The following SEMA3C variants were observed in gnomAD, a reference collection of about 807,000 sequenced individuals.
SEMA3C encodes semaphorin-3C.
In SEMA3C, 47 loss-of-function variants were observed where a neutral mutation model predicts 89.4. That is an observed-to-expected ratio of 0.53 (90% CI 0.42 to 0.67). The LOEUF (loss-of-function observed/expected upper bound fraction) is 0.67. Among genes scored for constraint, SEMA3C ranks in the 30% least tolerant of loss-of-function variants. The pLI is 0.00. For missense variants in SEMA3C, 839 were observed against 929.1 expected (o/e 0.90, Z 1.26); for synonymous variants, 310 against 320.2 (o/e 0.97, Z 0.34).
At chr7:80,911,627 T>C (rs1466625989) in intron 2 of SEMA3C, among the ~76,000 whole-genome samples, 9 of 151,822 alleles carry the variant, frequency 5.9e-5, no homozygotes, top group Non-Finnish European at 1.3e-4. Context: ...TTTTTTTTTT[T>C]TTTTGAAAGA....
In SEMA3C at chr7:80,742,840, C is replaced by A. The variant is rs943615020; in HGVS notation, c.*2054G>T. ...AACAGCATTTTTGAAAAAAAATTTT[C>A]TTTTACATTCAGCAGAGTTATGTTC... is the stretch of plus-strand genomic sequence containing the variant. On this transcript the variant is annotated 3_prime_UTR_variant, in exon 18 of 18. Coordinates refer to ENST00000265361, the MANE Select transcript of SEMA3C (RefSeq NM_006379.5). The A allele has an allele frequency of 2.6e-5, 4 of 151,850 alleles. No homozygotes were observed. The highest frequency in any genetic ancestry group is 9.7e-5 in the African/African-American group (4 of 41,382). The allele number at this position is 151,850 out of a possible 1,614,324, so 9.4% of individuals were successfully genotyped here. A position where few individuals can be genotyped will look rare whatever the true frequency, so the allele number is the denominator to read the frequency against.
At chr7:80,801,000 T>TA (rs551019207) in intron 9 of SEMA3C, among the ~76,000 whole-genome samples, 174 bp from the exon 10 acceptor site, 1 of 152,030 alleles carries the variant, frequency 6.6e-6, no homozygotes, top group African/African-American at 2.4e-5. Flanking sequence ...TAAATTAAAT[T>TA]AATACAGATA....
chr7:80,904,283 C>T (rs1791954621), intron 2 of SEMA3C, among the ~76,000 whole-genome samples: 1 of 152,252 alleles, frequency 6.6e-6, no homozygotes, highest in Admixed American at 6.5e-5. Flanking sequence ...TCAAGTGATC[C>T]ACCCACCTCA....
At chr7:80,886,730 A>C (rs1214716927) in intron 2 of SEMA3C, among the ~76,000 whole-genome samples, 2 of 152,180 alleles carry the variant, frequency 1.3e-5, no homozygotes, top group African/African-American at 4.8e-5. Context: ...GGTTAGCAAA[A>C]ATTCAGATAT....
At chr7:80,782,268 C>T (rs1380418201) in intron 12 of SEMA3C, among the ~76,000 whole-genome samples, 2 of 152,158 alleles carry the variant, frequency 1.3e-5, no homozygotes, top group Non-Finnish European at 2.9e-5. Context: ...AAAATTCAGT[C>T]GGTTCCAAGG....
chr7:80,818,239 C>G, intron 5 of SEMA3C, 60 bp downstream of exon 5: 1 of 1,461,102 alleles, frequency 6.8e-7, no homozygotes, highest in Non-Finnish European at 9.3e-7. Context: ...CTCTAAAATA[C>G]AGTTTCAAAA....
intron 2 of SEMA3C, among the ~76,000 whole-genome samples, chr7:80,863,973 A>C (rs932998220): frequency 1.4e-5 from 2 of 144,944 alleles, no homozygotes; most frequent in Non-Finnish European, 3.0e-5. Flanking sequence ...TCACATATAT[A>C]TCACATATAT....
chr7:80,891,096 A>G (rs1791600576), intron 2 of SEMA3C, among the ~76,000 whole-genome samples: 1 of 152,116 alleles, frequency 6.6e-6, no homozygotes, highest in Non-Finnish European at 1.5e-5. Context: ...TGCCCTTAGT[A>G]ATAGAGGACT....
chr7:80,897,884 T>C (rs902560485), intron 2 of SEMA3C, among the ~76,000 whole-genome samples: 2 of 152,184 alleles, frequency 1.3e-5, no homozygotes, highest in Non-Finnish European at 2.9e-5. Context: ...AATAAATACA[T>C]AATAAAGCTA....
chr7:80,913,363 T>C (rs1708391936), intron 2 of SEMA3C, among the ~76,000 whole-genome samples: 1 of 152,076 alleles, frequency 6.6e-6, no homozygotes, highest in South Asian at 2.1e-4. Context: ...ATCTCACCAT[T>C]GCACTCCAGC....
chr7:80,875,969 C>T (rs151086108), intron 2 of SEMA3C, among the ~76,000 whole-genome samples: 331 of 152,112 alleles, frequency 2.2e-3, no homozygotes, highest in African/African-American at 7.4e-3. Flanking sequence ...GCTAGTTTTG[C>T]TGTCACACCT....
intron 2 of SEMA3C, among the ~76,000 whole-genome samples, chr7:80,830,667 C>G (rs998682092): frequency 6.6e-6 from 1 of 152,074 alleles, no homozygotes; most frequent in Non-Finnish European, 1.5e-5. Context: ...TCATTAATAA[C>G]AAGGGCCTGG....
chr7:80,792,489 T>C (rs1435770668), intron 11 of SEMA3C, among the ~76,000 whole-genome samples: 21 of 152,200 alleles, frequency 1.4e-4, no homozygotes, highest in Admixed American at 1.4e-3. Flanking sequence ...CTAAACAATT[T>C]ACATAATTTC....
At chr7:80,846,707 C>T (rs539471634) in intron 2 of SEMA3C, among the ~76,000 whole-genome samples, 28 of 152,240 alleles carry the variant, frequency 1.8e-4, no homozygotes, top group African/African-American at 6.7e-4. Flanking sequence ...TGAGAAATGA[C>T]GAAAATGGCT....
chr7:80,913,960 T>C (rs1432401820), intron 2 of SEMA3C, among the ~76,000 whole-genome samples: 1 of 152,188 alleles, frequency 6.6e-6, no homozygotes, highest in Non-Finnish European at 1.5e-5. Flanking sequence ...AGTGGTTTCT[T>C]CTCAAGTTCC....
At chr7:80,794,635 C>T (rs1789019366) in intron 11 of SEMA3C, among the ~76,000 whole-genome samples, 1 of 152,144 alleles carries the variant, frequency 6.6e-6, no homozygotes, top group African/African-American at 2.4e-5. Context: ...AAGCACATGA[C>T]TCTGTTATAC....
intron 2 of SEMA3C, among the ~76,000 whole-genome samples, chr7:80,902,269 A>G (rs1791900027): frequency 6.6e-6 from 1 of 152,204 alleles, no homozygotes; most frequent in Non-Finnish European, 1.5e-5. Context: ...TTGTTTTAAT[A>G]AGAACAAGTA....
At chr7:80,913,269 C>T (rs766675539) in intron 2 of SEMA3C, among the ~76,000 whole-genome samples, 3 of 152,104 alleles carry the variant, frequency 2.0e-5, no homozygotes, top group Non-Finnish European at 4.4e-5. Context: ...GGCATGGTGT[C>T]GCACACCTGT....
chr7:80,850,794 A>G (rs1790493105), intron 2 of SEMA3C, among the ~76,000 whole-genome samples: 1 of 152,188 alleles, frequency 6.6e-6, no homozygotes, highest in African/African-American at 2.4e-5. Flanking sequence ...AAGAGTATTA[A>G]ATCGATGCAT....
Sources: allele counts gnomAD v4.1 joint callset (sites outside exome capture counted in the v4.1 genomes callset), GRCh38; gene constraint gnomAD v4.1.1; transcripts MANE v1.5; gene names NCBI Gene and HGNC (gene_info 2026-07-23, HGNC 2026-07-21).